Variants in CACNA1A observed in about 807,000 individuals in gnomAD.
CACNA1A encodes voltage-dependent P/Q-type calcium channel subunit alpha-1A.
In CACNA1A, 57 loss-of-function variants were observed where a neutral mutation model predicts 262.4. That is an observed-to-expected ratio of 0.22 (90% CI 0.18 to 0.27). The LOEUF (loss-of-function observed/expected upper bound fraction) is 0.27, where lower values mean the gene tolerates loss of function less well. Among genes scored for constraint, CACNA1A ranks in the 10% least tolerant of loss-of-function variants. The pLI, the probability that CACNA1A is intolerant of heterozygous loss-of-function variation, is 1.00. For synonymous variants in CACNA1A, 1,431 were observed against 1,419.3 expected (o/e 1.01, Z -0.18); for missense variants, 2,526 against 3,562.8 (o/e 0.71, Z 7.41).
chr19:13,421,248 T>A (rs2060310895), intron 3 of CACNA1A, among the ~76,000 whole-genome samples: 1 of 152,030 alleles, frequency 6.6e-6, no homozygotes, highest in Admixed American at 6.6e-5. Context: ...GAGAAATTAT[T>A]TTTTTTTCTT....
At chr19:13,461,579 C>G (rs1024771815) in intron 1 of CACNA1A, among the ~76,000 whole-genome samples, 1 of 152,154 alleles carries the variant, frequency 6.6e-6, no homozygotes, top group Admixed American at 6.5e-5. Flanking sequence ...ATGCCTCGCC[C>G]GAGGCAGAAG....
chr19:13,483,186 G>A (rs1979562674), intron 1 of CACNA1A, among the ~76,000 whole-genome samples: 1 of 152,072 alleles, frequency 6.6e-6, no homozygotes, highest in Non-Finnish European at 1.5e-5. Flanking sequence ...CAGGCCGGAA[G>A]TGAAGGACTT....
At chr19:13,322,342 C>A (rs892183239) in intron 10 of CACNA1A, among the ~76,000 whole-genome samples, 2 of 151,930 alleles carry the variant, frequency 1.3e-5, no homozygotes, top group African/African-American at 4.8e-5. Flanking sequence ...TAAGAAAATA[C>A]CATGGAACAG....
intron 30 of CACNA1A, among the ~76,000 whole-genome samples, chr19:13,251,781 AT>A (rs1333436766): frequency 2.0e-5 from 3 of 151,802 alleles, no homozygotes; most frequent in African/African-American, 7.3e-5. Flanking sequence ...TATTATTATT[AT>A]TTTTTTGAGA....
intron 34 of CACNA1A, among the ~76,000 whole-genome samples, chr19:13,233,427 TCA>T (rs1387027895): frequency 1.3e-5 from 2 of 152,226 alleles, no homozygotes; most frequent in African/African-American, 4.8e-5. Context: ...TTAAGTAAGC[TCA>T]CATTATTATG....
At chr19:13,503,436 CT>C (rs576544782) in intron 1 of CACNA1A, among the ~76,000 whole-genome samples, 12 of 151,098 alleles carry the variant, frequency 7.9e-5, no homozygotes, top group African/African-American at 1.7e-4. Flanking sequence ...TACCTACACA[CT>C]TTTTTTTTCA....
chr19:13,499,450 TG>T (rs199603194), intron 1 of CACNA1A, among the ~76,000 whole-genome samples: 5,939 of 86,108 alleles, frequency 0.069, 795 homozygotes, highest in East Asian at 0.43. Flanking sequence ...CAGGGGGTGG[TG>T]GGGGGGGGCA....
At chr19:13,294,438 C>T (rs2057616818) in intron 19 of CACNA1A, among the ~76,000 whole-genome samples, 1 of 150,630 alleles carries the variant, frequency 6.6e-6, no homozygotes, top group South Asian at 2.1e-4. Flanking sequence ...AATCCTTTGC[C>T]TCAGCCTCCT....
chr19:13,379,240 C>G (rs1230378501), intron 3 of CACNA1A, among the ~76,000 whole-genome samples: 1 of 152,096 alleles, frequency 6.6e-6, no homozygotes, highest in Non-Finnish European at 1.5e-5. Context: ...CTTGGCCTCC[C>G]AAAGTGTTGG....
intron 43 of CACNA1A, chr19:13,211,709 T>A (rs994667627): frequency 4.1e-5 from 10 of 241,720 alleles, no homozygotes; most frequent in Admixed American, 3.0e-4. Context: ...TGCATGTATG[T>A]TGAGCATGTG....
chr19:13,252,004 G>T (rs573506674), intron 30 of CACNA1A, among the ~76,000 whole-genome samples: 1 of 152,060 alleles, frequency 6.6e-6, no homozygotes, highest in African/African-American at 2.4e-5. Flanking sequence ...AGGCTCAAGT[G>T]ATTTGCCTGC....
In CACNA1A at chr19:13,455,112, G is replaced by T; in HGVS notation, c.394C>A (p.Arg132=). Residue 132 remains arginine, a synonymous_variant, in exon 2 of 47, where the codon CGG becomes AGG. Transcript: ENST00000360228. ...TGAGAAAAGACATCACTCACCAGCC[G>T]TTCAGACATCGGGGTCTTGTCATCA... ...PDDDKTPMSE[R]LDDTEPYFIG... is the part of the protein sequence containing the mutation. The T allele has an allele frequency of 1.4e-5, 22 of 1,598,102 alleles. No individual in the cohort carries two copies. Among genetic ancestry groups the T allele is most frequent in the Non-Finnish European group, 1.8e-5 (21 of 1,165,854 alleles).
intron 38 of CACNA1A, among the ~76,000 whole-genome samples, chr19:13,219,260 T>G (rs10421971): frequency 0.56 from 85,265 of 151,128 alleles, 24,560 homozygotes; most frequent in Middle Eastern, 0.74. Context: ...CAGGCTGGTC[T>G]TGAACTCGTG....
At position 13,318,478 on chromosome 19, in the gene CACNA1A, T is replaced by C. The variant is rs963299541; in HGVS notation, c.1346-1157A>G. On this transcript the variant is annotated intron_variant, in intron 10 of 46. Coordinates refer to ENST00000360228, the MANE Select transcript of CACNA1A (RefSeq NM_001127222.2). ...GAGTGAGGGGGGAGCCGTGGAGGGT[T>C]CTGAGTAGAGGAGGGATGGAACCTG... Among the ~76,000 whole-genome samples the C allele has an allele frequency of 2.0e-5, 3 of 151,956 alleles. No homozygotes were observed. In the South Asian group the frequency reaches 6.2e-4, roughly 32 times the overall value.
chr19:13,296,749 C>T (rs1232659877), intron 19 of CACNA1A, among the ~76,000 whole-genome samples: 1 of 149,610 alleles, frequency 6.7e-6, no homozygotes, highest in Non-Finnish European at 1.5e-5. Context: ...AGTGCCTTTT[C>T]TTTTTCTTTA....
At chr19:13,478,632 G>A (rs902950030) in intron 1 of CACNA1A, among the ~76,000 whole-genome samples, 3 of 152,120 alleles carry the variant, frequency 2.0e-5, no homozygotes, top group African/African-American at 7.2e-5. Flanking sequence ...GATTTATAAG[G>A]GTTCACCAAG....
At chr19:13,231,388 AC>A (rs1311071337) in intron 35 of CACNA1A, among the ~76,000 whole-genome samples, 1 of 149,606 alleles carries the variant, frequency 6.7e-6, no homozygotes, top group Non-Finnish European at 1.5e-5. Flanking sequence ...CCCTGGGGGC[AC>A]CTGGCAATGT....
chr19:13,442,505 C>T (rs1164826958), intron 3 of CACNA1A, among the ~76,000 whole-genome samples: 1 of 152,194 alleles, frequency 6.6e-6, no homozygotes, highest in Non-Finnish European at 1.5e-5. Context: ...TAGACGTAAG[C>T]TAGGTAAATA....
intron 6 of CACNA1A, among the ~76,000 whole-genome samples, chr19:13,352,001 C>T (rs568077485): frequency 1.9e-4 from 29 of 152,176 alleles, no homozygotes; most frequent in Admixed American, 3.9e-4. Context: ...GTGACTCTCT[C>T]GACAGATTAT....
Sources: gnomAD v4.1 joint callset for allele counts (sites outside exome capture counted in the v4.1 genomes callset) on GRCh38, gnomAD v4.1.1 for gene constraint, MANE v1.5 for transcripts, NCBI Gene and HGNC (gene_info 2026-07-23, HGNC 2026-07-21) for gene names.